FBRSL1: variants seen among roughly 807,000 people sequenced by gnomAD.
The protein encoded by FBRSL1 is fibrosin-1-like protein.
FBRSL1 carries 51 observed loss-of-function variants against 89.6 expected under a neutral mutation model. The observed-to-expected ratio is 0.57, with a 90% CI of 0.45 to 0.72. The LOEUF is 0.72. Among genes scored for constraint, FBRSL1 ranks in the 30% least tolerant of loss-of-function variants. The pLI, the probability that FBRSL1 is intolerant of heterozygous loss-of-function variation, is 0.00. For missense variants in FBRSL1, 1,618 were observed against 1,451.8 expected, an observed-to-expected ratio of 1.11 and a Z score of -1.86; for synonymous variants, 779 against 681.1, an observed-to-expected ratio of 1.14 and a Z score of -2.24.
At chr12:132,511,539 T>C (rs2034343000) in intron 2 of FBRSL1, 1 of 985,546 alleles carries the variant, frequency 1.0e-6, no homozygotes, top group African/African-American at 1.7e-5. Flanking sequence ...GCTTTGACTG[T>C]CTCCAGACCT....
At chr12:132,507,452 C>G in intron 1 of FBRSL1, 1 of 982,894 alleles carries the variant, frequency 1.0e-6, no homozygotes, top group Non-Finnish European at 1.2e-6. Context: ...TGCCCGATGT[C>G]CACCGGCAGG....
At chr12:132,511,062 G>A (rs1426706200) in intron 2 of FBRSL1, 2 of 985,712 alleles carry the variant, frequency 2.0e-6, no homozygotes, top group Non-Finnish European at 2.4e-6. Context: ...GAAGGTGTGG[G>A]TTTCAGTCCA....
intron 2 of FBRSL1, among the ~76,000 whole-genome samples, chr12:132,515,039 T>G (rs1016642351): frequency 6.6e-6 from 1 of 152,068 alleles, no homozygotes; most frequent in African/African-American, 2.4e-5. Context: ...CAGGGAGGTG[T>G]GGGGGGTCCA....
intron 15 of FBRSL1, among the ~76,000 whole-genome samples, chr12:132,579,181 T>C (rs1233595992): frequency 2.0e-5 from 3 of 152,238 alleles, no homozygotes; most frequent in East Asian, 3.8e-4. Flanking sequence ...CTTGATATCT[T>C]GCTGGCAGGG....
At chr12:132,528,073 A>T in intron 4 of FBRSL1, 85 bp downstream of exon 4, 1 of 1,253,464 alleles carries the variant, frequency 8.0e-7, no homozygotes, top group East Asian at 2.5e-5. Context: ...GAGGCCCCAC[A>T]ACTTAGCTCA....
chr12:132,561,453 A>AG lies in FBRSL1; in HGVS notation c.646-6028_646-6027insG, dbSNP rs34619481. Among the ~76,000 whole-genome samples the AG allele has an allele frequency of 1.1e-4, 17 of 151,986 alleles. No individual in the cohort carries two copies. The South Asian group carries it at 3.3e-3, about 30-fold the overall frequency. On this transcript the variant is annotated intron_variant, in intron 5 of 18. Transcript: ENST00000680143. ...GAAGGGGAGGGCAGCAGAGCCCCAG[A>AG]AGGGCTCCAACCTGTGGTTACCCTA...
chr12:132,521,929 G>C (rs1201574599), intron 2 of FBRSL1, among the ~76,000 whole-genome samples: 1 of 152,216 alleles, frequency 6.6e-6, no homozygotes, highest in Non-Finnish European at 1.5e-5. Flanking sequence ...GGGCGGGTCT[G>C]GGGAGCAGGT....
rs1451579920 is a variant in FBRSL1, at chr12:132,570,376, C to T, written c.1049C>T (p.Ser350Leu). ...SAPLGLGKHV[S>L]LSPHGPGPHL... ...CCCCTGGGCCTGGGGAAGCACGTGT[C>T]GCTGTCGCCACACGGGCCGGGCCCC... The change falls in exon 8 of 19, where the codon TCG (serine) becomes TTG (leucine). Residue 350 changes from serine (S) to leucine (L), a missense_variant. Transcript: ENST00000680143. 5.9e-6 allele frequency: 9 copies of T among 1,533,620 alleles called. No homozygotes were observed. Among genetic ancestry groups the T allele is most frequent in the East Asian group, 4.9e-5 (2 of 40,704 alleles).
At chr12:132,566,778 C>T (rs945856358) in intron 5 of FBRSL1, among the ~76,000 whole-genome samples, 1 of 151,680 alleles carries the variant, frequency 6.6e-6, no homozygotes, top group East Asian at 1.9e-4. Context: ...AGGCACATAG[C>T]GCGGTGTCCT....
Position 132,574,315 on chromosome 12 carries a change from A to C in FBRSL1, c.1600-4A>C. On this transcript the variant is annotated splice_region_variant and splice_polypyrimidine_tract_variant and intron_variant, in intron 12 of 18. Transcript: ENST00000680143. ...GACCTCACACTCCTTTCCTGTCTCC[A>C]CAGGTGTCTGACCCGTACCGGGCGG... The C allele has an allele frequency of 6.5e-7, 1 of 1,541,936 alleles. No individual in the cohort carries two copies. Among genetic ancestry groups the C allele is most frequent in the Non-Finnish European group, 8.7e-7 (1 of 1,143,394 alleles).
rs773599272 is a variant in FBRSL1 at position 132,584,817 on chromosome 12, TTTACAC to T, written c.*1040_*1045del. Reference sequence around the variant, plus strand: ...GAAGTGCAAGAGTCTAAAGGCTGATTTTACACACACACACACACACACACACACACA... The same window carrying T: ...GAAGTGCAAGAGTCTAAAGGCTGATTACACACACACACACACACACACACA... On this transcript the variant is annotated 3_prime_UTR_variant, in exon 19 of 19. Transcript: ENST00000680143. 0.17 allele frequency: 20,700 copies of T among 121,588 alleles called. 1,780 individuals carry two copies. Among genetic ancestry groups the T allele is most frequent in the East Asian group, 0.42 (1,975 of 4,660 alleles). The allele number at this position is 121,588 out of a possible 1,614,324, so 7.5% of individuals were successfully genotyped here. A position where few individuals can be genotyped will look rare whatever the true frequency, so the allele number is the denominator to read the frequency against.
chr12:132,556,312 C>T (rs757124958), intron 5 of FBRSL1, among the ~76,000 whole-genome samples: 4 of 152,174 alleles, frequency 2.6e-5, no homozygotes, highest in Admixed American at 1.3e-4. Context: ...CACACCTCTG[C>T]GACAGACAGA....
chr12:132,576,483 G>T (rs926416991), intron 14 of FBRSL1, among the ~76,000 whole-genome samples: 1 of 152,190 alleles, frequency 6.6e-6, no homozygotes, highest in South Asian at 2.1e-4. Context: ...GTGAGCCACC[G>T]TGCCTGGCCT....
Position 132,499,060 on chromosome 12 carries a change from C to T in FBRSL1, c.291+8199C>T, listed in dbSNP as rs944666517. 3.9e-5 allele frequency among the ~76,000 whole-genome samples: 6 copies of T among 152,260 alleles called. No homozygotes were observed. The highest frequency in any genetic ancestry group is 2.6e-4 in the Admixed American group (4 of 15,292). On this transcript the variant is annotated intron_variant, in intron 1 of 18. Coordinates refer to ENST00000680143, the MANE Select transcript of FBRSL1 (RefSeq NM_001367871.1). The surrounding 1 kb of genome is among the most constrained non-coding windows in gnomAD (Gnocchi z 4.3). ...ACCTCTGCTGTCCCCTGGGACAGTG[C>T]TCTGCAAGGCCTCCAGGAGCTTGGG...
chr12:132,508,407 A>G, intron 2 of FBRSL1, 57 bp downstream of exon 2: 2 of 1,376,042 alleles, frequency 1.5e-6, no homozygotes, highest in Non-Finnish European at 9.5e-7. Context: ...TCACCGCCCC[A>G]GGGCCATGCC....
At chr12:132,561,275 G>A (rs1566204707) in intron 5 of FBRSL1, among the ~76,000 whole-genome samples, 2 of 152,200 alleles carry the variant, frequency 1.3e-5, no homozygotes, top group Non-Finnish European at 2.9e-5. Flanking sequence ...GGTGCTGGAT[G>A]GCCCCAGCCG....
rs761406782 is a variant in FBRSL1, at chr12:132,572,634, C to A, written c.1530+12C>A. 12 of 1,541,576 alleles carry A rather than the reference C, an allele frequency of 7.8e-6. No homozygotes were observed. Among genetic ancestry groups the A allele is most frequent in the Non-Finnish European group, 7.0e-6 (8 of 1,139,878 alleles). ...CTTTTCAGCCTAAGGTACCGCTGCC[C>A]CTGGCAGGTGGGGCGGGCACAGCGG... On this transcript the variant is annotated intron_variant, in intron 11 of 18. Coordinates refer to ENST00000680143, the MANE Select transcript of FBRSL1 (RefSeq NM_001367871.1).
At chr12:132,514,654 C>T (rs546308198) in intron 2 of FBRSL1, among the ~76,000 whole-genome samples, 4 of 152,246 alleles carry the variant, frequency 2.6e-5, no homozygotes, top group South Asian at 2.1e-4. Context: ...GGATTTGGCA[C>T]GAAGCCTCTC....
At chr12:132,505,855 C>T (rs546423502) in intron 1 of FBRSL1, among the ~76,000 whole-genome samples, 112 of 152,370 alleles carry the variant, frequency 7.4e-4, no homozygotes, top group African/African-American at 2.5e-3. Flanking sequence ...CCTTTCCCAC[C>T]GTCTTAAGGT....
Sources: gnomAD v4.1 joint callset for allele counts (sites outside exome capture counted in the v4.1 genomes callset) on GRCh38, gnomAD v4.1.1 for gene constraint, Gnocchi (gnomAD v3.1) non-coding constraint, MANE v1.5 for transcripts, NCBI Gene and HGNC (gene_info 2026-07-23, HGNC 2026-07-21) for gene names.